Variants in PTBP2 observed in about 807,000 individuals in gnomAD.
The protein encoded by PTBP2 is polypyrimidine tract binding protein 2.
In PTBP2, 13 loss-of-function variants were observed where a neutral mutation model predicts 61.4. The ratio of observed to expected loss-of-function variants is 0.21; its 90% confidence interval spans 0.14 to 0.34. PTBP2 has a LOEUF of 0.34. PTBP2 is among the 10% of genes least tolerant of loss of function. The pLI, the probability that PTBP2 is intolerant of heterozygous loss-of-function variation, is 1.00. For synonymous variants in PTBP2, 215 were observed against 218.5 expected (o/e 0.98, Z 0.14); for missense variants, 405 against 642.6 (o/e 0.63, Z 4.00).
At chr1:96,780,344 T>G (rs1354808343) in intron 7 of PTBP2, among the ~76,000 whole-genome samples, 1 of 151,960 alleles carries the variant, frequency 6.6e-6, no homozygotes, top group African/African-American at 2.4e-5. Flanking sequence ...CTACGTACTT[T>G]CTATCACCCT....
At position 96,780,189 on chromosome 1, in the gene PTBP2, G is replaced by A. The variant is rs181049106; in HGVS notation, c.708+2243G>A. 3.3e-5 allele frequency among the ~76,000 whole-genome samples: 5 copies of A among 152,132 alleles called. No homozygotes were observed. In the East Asian group the frequency reaches 9.7e-4, roughly 29 times the overall value. ...TAAACACCAAAGCCTATCGTCTTCT[G>A]CCTGTCAAGAGACTGCACTATCTGT... On this transcript the variant is annotated intron_variant, in intron 7 of 13. Coordinates refer to ENST00000674951, the MANE Select transcript of PTBP2 (RefSeq NM_021190.4).
intron 8 of PTBP2, among the ~76,000 whole-genome samples, chr1:96,796,941 A>G (rs1295614040): frequency 6.6e-6 from 1 of 152,230 alleles, no homozygotes; most frequent in East Asian, 1.9e-4. Flanking sequence ...AGAAAAATGA[A>G]GATGTATCAA....
At chr1:96,734,499 A>AAAAG (rs1257026145) in intron 2 of PTBP2, among the ~76,000 whole-genome samples, 12 of 151,922 alleles carry the variant, frequency 7.9e-5, no homozygotes, top group Non-Finnish European at 1.8e-4. Flanking sequence ...GTCACGATAA[A>AAAAG]ATAAGATCAG....
intron 2 of PTBP2, among the ~76,000 whole-genome samples, chr1:96,734,166 G>A (rs1570715624): frequency 6.6e-6 from 1 of 152,112 alleles, no homozygotes; most frequent in African/African-American, 2.4e-5. Context: ...ATAGTATCAT[G>A]AACCATTGTG....
chr1:96,749,687 GTA>G (rs1386132942), intron 2 of PTBP2: 1 of 455,360 alleles, frequency 2.2e-6, no homozygotes, highest in Non-Finnish European at 4.4e-6. Context: ...AGTTAATAAC[GTA>G]ATTCACTTAC....
At chr1:96,755,374 A>G (rs1655036540) in intron 3 of PTBP2, among the ~76,000 whole-genome samples, 5 of 152,224 alleles carry the variant, frequency 3.3e-5, no homozygotes, top group Admixed American at 3.3e-4. Flanking sequence ...AAGAATGTGG[A>G]AGAATGTTAA....
At chr1:96,797,213 G>A (rs932744546) in intron 8 of PTBP2, among the ~76,000 whole-genome samples, 1 of 152,182 alleles carries the variant, frequency 6.6e-6, no homozygotes, top group Non-Finnish European at 1.5e-5. Flanking sequence ...GTAACATTGT[G>A]CGGTGAGGTA....
At chr1:96,776,514 G>A (rs1245240916) in intron 5 of PTBP2, among the ~76,000 whole-genome samples, 1 of 151,818 alleles carries the variant, frequency 6.6e-6, no homozygotes, top group East Asian at 1.9e-4. Flanking sequence ...TAATATTTTA[G>A]TAAAATGACT....
intron 2 of PTBP2, among the ~76,000 whole-genome samples, chr1:96,728,234 G>C (rs1215817612): frequency 6.6e-6 from 1 of 152,114 alleles, no homozygotes. Context: ...CGATCTTTCT[G>C]CCTCAGCCTT....
chr1:96,791,788 T>C (rs1385437407), intron 8 of PTBP2, among the ~76,000 whole-genome samples: 1 of 151,258 alleles, frequency 6.6e-6, no homozygotes, highest in Non-Finnish European at 1.5e-5. Flanking sequence ...AACTTAATAC[T>C]GGTTACTTAA....
intron 1 of PTBP2, among the ~76,000 whole-genome samples, 182 bp from the exon 2 acceptor site, chr1:96,723,382 G>C (rs1649908018): frequency 1.3e-5 from 2 of 152,132 alleles, no homozygotes; most frequent in Non-Finnish European, 2.9e-5. Context: ...GTTACTTTTA[G>C]AAAACCAGGT....
chr1:96,807,810 G>A (rs190607579), intron 11 of PTBP2, among the ~76,000 whole-genome samples: 304 of 152,288 alleles, frequency 2.0e-3, no homozygotes, highest in African/African-American at 6.9e-3. Context: ...AATAGTCTTA[G>A]CAACTCAGAT....
At chr1:96,776,465 A>G (rs1658058794) in intron 5 of PTBP2, among the ~76,000 whole-genome samples, 1 of 151,976 alleles carries the variant, frequency 6.6e-6, no homozygotes, top group South Asian at 2.1e-4. Flanking sequence ...TTGTTTAGAT[A>G]TATATCTGGA....
chr1:96,750,667 G>T (rs566521272), intron 2 of PTBP2, among the ~76,000 whole-genome samples: 2 of 151,970 alleles, frequency 1.3e-5, no homozygotes, highest in Non-Finnish European at 2.9e-5. Context: ...AAATCAGCCA[G>T]TATTAATTTA....
chr1:96,773,751 C>T (rs867674643), intron 5 of PTBP2, among the ~76,000 whole-genome samples: 11 of 151,428 alleles, frequency 7.3e-5, no homozygotes, highest in South Asian at 6.3e-4. Flanking sequence ...CTGAGGTGGG[C>T]GGATCACGAG....
At chr1:96,751,542 G>T (rs759270696) in intron 3 of PTBP2, 42 bp downstream of exon 3, 1 of 1,467,034 alleles carries the variant, frequency 6.8e-7, no homozygotes. Flanking sequence ...TGCCATTTTA[G>T]GGGGCAGAAT....
At chr1:96,780,105 A>G (rs1415615675) in intron 7 of PTBP2, among the ~76,000 whole-genome samples, 2 of 151,978 alleles carry the variant, frequency 1.3e-5, no homozygotes, top group Non-Finnish European at 2.9e-5. Context: ...ATCTGCTAAT[A>G]CTCACACTTG....
downstream of PTBP2, chr1:96,819,292 A>G (rs1228040888): frequency 6.6e-6 from 1 of 152,040 alleles, no homozygotes; most frequent in Non-Finnish European, 1.5e-5. Flanking sequence ...TGTGAGAGTT[A>G]GAGCTGTACT....
intron 3 of PTBP2, among the ~76,000 whole-genome samples, chr1:96,767,947 A>G (rs565527939): frequency 1.1e-4 from 17 of 152,184 alleles, no homozygotes; most frequent in Non-Finnish European, 2.4e-4. Flanking sequence ...GTACAAAGAC[A>G]ACCTAAGGGG....
Sources: allele counts gnomAD v4.1 joint callset (sites outside exome capture counted in the v4.1 genomes callset), GRCh38; gene constraint gnomAD v4.1.1; transcripts MANE v1.5; gene names NCBI Gene and HGNC (gene_info 2026-07-23, HGNC 2026-07-21).